ZPLD1: variants seen among roughly 807,000 people sequenced by gnomAD.
ZPLD1 encodes the protein zona pellucida like domain containing 1.
A neutral mutation model predicts 47.2 loss-of-function variants in ZPLD1; 34 were observed. That is an observed-to-expected ratio of 0.72 (90% confidence interval 0.55 to 0.96). The LOEUF (loss-of-function observed/expected upper bound fraction) is 0.96. Ranked by LOEUF, ZPLD1 falls within the 40% of genes least tolerant of loss-of-function variation. The pLI, the probability that ZPLD1 is intolerant of heterozygous loss-of-function variation, is 0.00. For synonymous variants in ZPLD1, 176 were observed against 186.2 expected (o/e 0.95, Z 0.45); for missense variants, 512 against 505.8 (o/e 1.01, Z -0.12).
chr3:102,444,366 G>C (rs1387145126), intron 3 of ZPLD1, among the ~76,000 whole-genome samples: 1 of 152,188 alleles, frequency 6.6e-6, no homozygotes, highest in East Asian at 1.9e-4. Flanking sequence ...TCAATATACA[G>C]AGGAAACTTG....
chr3:102,413,072 A>G (rs1706763715), intron 7 of ZPLD1, among the ~76,000 whole-genome samples: 1 of 151,824 alleles, frequency 6.6e-6, no homozygotes, highest in Non-Finnish European at 1.5e-5. Context: ...GACTTCTGCT[A>G]GACTACACCT....
chr3:102,422,838 G>T (rs768690555), intron 8 of ZPLD1, among the ~76,000 whole-genome samples: 1 of 151,952 alleles, frequency 6.6e-6, no homozygotes, highest in Non-Finnish European at 1.5e-5. Context: ...TTGTTTTGCC[G>T]TGTCATGGAA....
chr3:102,469,595 C>T (rs761860860), intron 9 of ZPLD1, among the ~76,000 whole-genome samples: 89 of 152,044 alleles, frequency 5.9e-4, no homozygotes, highest in Admixed American at 1.3e-3. Context: ...GCTGGCCAAA[C>T]GATGGTCAAA....
chr3:102,453,230 T>G, intron 4 of ZPLD1, 91 bp downstream of exon 4: 1 of 1,175,702 alleles, frequency 8.5e-7, no homozygotes, highest in Non-Finnish European at 1.2e-6. Context: ...AATCTATCTC[T>G]TGAGAAAAAA....
At chr3:102,399,843 G>C (rs1256077123) in intron 7 of ZPLD1, among the ~76,000 whole-genome samples, 1 of 151,986 alleles carries the variant, frequency 6.6e-6, no homozygotes, top group African/African-American at 2.4e-5. Context: ...TTTTGTGATA[G>C]AGTCTCTGTC....
At chr3:102,432,740 A>G (rs1465816574), upstream of ZPLD1, among the ~76,000 whole-genome samples, 3 of 152,166 alleles carry the variant, frequency 2.0e-5, no homozygotes, top group East Asian at 1.9e-4. Context: ...AGTTATTCCC[A>G]AAGAGTAATT....
At chr3:102,408,288 C>T (rs763170667) in intron 7 of ZPLD1, among the ~76,000 whole-genome samples, 2 of 151,786 alleles carry the variant, frequency 1.3e-5, no homozygotes, top group Non-Finnish European at 1.5e-5. Flanking sequence ...AAAAGATACA[C>T]TGAGTAGGTT....
In ZPLD1 at chr3:102,450,342, A is replaced by T. The variant is rs547610403; in HGVS notation, c.107-2577A>T. On this transcript the variant is annotated intron_variant, in intron 3 of 11. Coordinates refer to ENST00000466937, the MANE Select transcript of ZPLD1 (RefSeq NM_001329788.2). ...TACATACTTATATATCCTCCACCCA[A>T]ATCAAGATAGAGAACATTTTTATCT... Among the ~76,000 whole-genome samples the T allele has an allele frequency of 2.6e-5, 4 of 152,222 alleles. No individual in the cohort carries two copies. In the South Asian group the frequency reaches 8.3e-4, roughly 32 times the overall value.
chr3:102,407,561 A>C (rs1380501146), intron 7 of ZPLD1, among the ~76,000 whole-genome samples: 3 of 150,196 alleles, frequency 2.0e-5, no homozygotes, highest in Non-Finnish European at 4.4e-5. Flanking sequence ...AGTTCTCAAA[A>C]AATTTCATTT....
At position 102,477,016 on chromosome 3, in the gene ZPLD1, GA is replaced by G; in HGVS notation, c.1048del (p.Thr350LeufsTer18). 5 of 1,613,444 alleles carry G rather than the reference GA, an allele frequency of 3.1e-6. No homozygotes were observed. Among genetic ancestry groups the G allele is most frequent in the Non-Finnish European group, 4.2e-6 (5 of 1,179,598 alleles). On this transcript the variant is annotated frameshift_variant, in exon 11 of 12. Transcript: ENST00000466937. LOFTEE classifies it high-confidence loss of function. ...TTTTCTGTTTTTTCCCCTCAGATGA[GA>G]CTCCAACCAACAATTCGCAACTTGG... ...AGPIITRSDE[T>X]PTNNSQLGSP...
At chr3:102,455,425 A>C (rs1707398055) in intron 4 of ZPLD1, among the ~76,000 whole-genome samples, 1 of 152,222 alleles carries the variant, frequency 6.6e-6, no homozygotes, top group South Asian at 2.1e-4. Flanking sequence ...AACTTCTGAA[A>C]GTTCTTGAAC....
In ZPLD1 at chr3:102,435,796, C is replaced by A. The variant is rs900761970; in HGVS notation, c.-123+642C>A. On this transcript the variant is annotated intron_variant, in intron 1 of 11. Transcript: ENST00000466937. ...TAGCTGGGACTACAGGCTCCCGCCA[C>A]CACGCCCGGCTAATTTTTTGTATTT... Among the ~76,000 whole-genome samples, 4 of 152,232 alleles carry A rather than the reference C, an allele frequency of 2.6e-5. No homozygotes were observed. The East Asian group carries it at 7.7e-4, about 29-fold the overall frequency.
chr3:102,389,767 T>A (rs1042841279), intron 6 of ZPLD1, among the ~76,000 whole-genome samples: 3 of 152,190 alleles, frequency 2.0e-5, no homozygotes, highest in Admixed American at 2.0e-4. Context: ...ATCCGATGGA[T>A]GGCATATTCT....
At chr3:102,406,501 C>T (rs1269759085) in intron 7 of ZPLD1, among the ~76,000 whole-genome samples, 1 of 151,932 alleles carries the variant, frequency 6.6e-6, no homozygotes, top group Non-Finnish European at 1.5e-5. Context: ...TTTGTCTATA[C>T]ACCCTTATCC....
chr3:102,477,024 C>T lies in ZPLD1; in HGVS notation c.1055C>T (p.Thr352Ile), dbSNP rs1707768102. The T allele has an allele frequency of 6.2e-7, 1 of 1,613,500 alleles. No individual in the cohort carries two copies. Among genetic ancestry groups the T allele is most frequent in the Non-Finnish European group, 8.5e-7 (1 of 1,179,666 alleles). ...PIITRSDETP[T>I]NNSQLGSPSM... ...TTTTTCCCCTCAGATGAGACTCCAA[C>T]CAACAATTCGCAACTTGGTAAGATA... The change falls in exon 11 of 12, where the codon ACC (threonine) becomes ATC (isoleucine). Residue 352 changes from threonine (T) to isoleucine (I), a missense_variant. By Grantham distance (89) the Thr-to-Ile change is moderately conservative. Transcript: ENST00000466937.
chr3:102,469,304 G>T (rs1207466412), intron 9 of ZPLD1, among the ~76,000 whole-genome samples, 169 bp downstream of exon 9: 2 of 152,156 alleles, frequency 1.3e-5, no homozygotes, highest in Non-Finnish European at 2.9e-5. Flanking sequence ...ATCCTACTTT[G>T]TGCCAAGCAT....
At chr3:102,434,490 A>G (rs1287886287), upstream of ZPLD1, among the ~76,000 whole-genome samples, 1 of 152,174 alleles carries the variant, frequency 6.6e-6, no homozygotes, top group Non-Finnish European at 1.5e-5. Flanking sequence ...GTAACAGTTT[A>G]TGAGATACAG....
At position 102,479,261 on chromosome 3, in the gene ZPLD1, A is replaced by G. The variant is rs1707803909; in HGVS notation, c.*1643A>G. 6.6e-6 allele frequency: 1 copy of G among 152,188 alleles called. No homozygotes were observed. The highest frequency in any genetic ancestry group is 1.5e-5 in the Non-Finnish European group (1 of 68,008). The allele number at this position is 152,188 out of a possible 1,614,324, so 9.4% of individuals were successfully genotyped here. A position where few individuals can be genotyped will look rare whatever the true frequency, so the allele number is the denominator to read the frequency against. ...GTTACTTTAAAATAACTTTGAAGTG[A>G]CTATTCTGAGCTTTATCTGTGTTAA... is the stretch of plus-strand genomic sequence containing the variant. On this transcript the variant is annotated 3_prime_UTR_variant, in exon 12 of 12. Transcript: ENST00000466937.
intron 6 of ZPLD1, among the ~76,000 whole-genome samples, chr3:102,458,490 T>A (rs1707454111): frequency 6.6e-6 from 1 of 152,248 alleles, no homozygotes; most frequent in African/African-American, 2.4e-5. Context: ...ACATTTTAAA[T>A]GCCTGATTTA....
Sources: gnomAD v4.1 joint callset for allele counts (sites outside exome capture counted in the v4.1 genomes callset) on GRCh38, gnomAD v4.1.1 for gene constraint, MANE v1.5 for transcripts, NCBI Gene and HGNC (gene_info 2026-07-23, HGNC 2026-07-21) for gene names.